RTL1: variants seen among roughly 807,000 people sequenced by gnomAD.
The protein encoded by RTL1 is retrotransposon-like protein 1.
For synonymous variants in RTL1, 727 were observed against 748.4 expected (o/e 0.97, Z 0.47); for missense variants, 1,681 against 1,767.5 (o/e 0.95, Z 0.88).
At position 100,883,756 on chromosome 14, in the gene RTL1, C is replaced by T. The variant is rs1275041775; in HGVS notation, c.1033G>A (p.Asp345Asn). Residue 345 changes from aspartate to asparagine, a missense_variant, in exon 4 of 4, where the codon GAT becomes AAT. Transcript: ENST00000649591. The surrounding 1 kb of genome is among the most constrained non-coding windows in gnomAD (Gnocchi z 5.9). The part of the protein sequence containing the change: ...RHYLFRVPQP[D>N]SLDSLIVLIL... ...AGCACAATCAGACTGTCTAGGGAAT[C>T]CGGCTGAGGGACCCGGAATAGATAG... 2.6e-6 allele frequency: 4 copies of T among 1,551,674 alleles called. No individual in the cohort carries two copies. The highest frequency in any genetic ancestry group is 3.5e-6 in the Non-Finnish European group (4 of 1,146,990).
intron 2 of RTL1, among the ~76,000 whole-genome samples, chr14:100,902,608 TAGCAGCAGC>T (rs34441254): frequency 1.7e-3 from 259 of 151,792 alleles, no homozygotes; most frequent in African/African-American, 5.6e-3. Flanking sequence ...AGCCCTGCAG[TAGCAGCAGC>T]AGCAGCAGCA....
intron 3 of RTL1, among the ~76,000 whole-genome samples, chr14:100,891,914 G>T (rs1277395519): frequency 2.0e-5 from 3 of 152,156 alleles, no homozygotes; most frequent in African/African-American, 7.2e-5. Flanking sequence ...TTCCTAAGAG[G>T]TGCCTGCGGG....
chr14:100,885,624 T>C (rs892750018), intron 3 of RTL1, among the ~76,000 whole-genome samples: 2 of 152,046 alleles, frequency 1.3e-5, no homozygotes, highest in African/African-American at 4.8e-5. Flanking sequence ...GGCCAATTTC[T>C]CTTTCTCGAT....
intron 2 of RTL1, among the ~76,000 whole-genome samples, chr14:100,900,139 T>C (rs2038922220): frequency 6.6e-6 from 1 of 152,258 alleles, no homozygotes; most frequent in Non-Finnish European, 1.5e-5. Flanking sequence ...CACAGGCAGA[T>C]TTTTTGAGGC....
chr14:100,894,309 CAA>C (rs562868034), intron 2 of RTL1, among the ~76,000 whole-genome samples: 151 of 72,482 alleles, frequency 2.1e-3, no homozygotes, highest in African/African-American at 5.4e-3. Flanking sequence ...AACTCCGTCT[CAA>C]AAAAAAAAAA....
chr14:100,890,024 GAC>G (rs983625628), intron 3 of RTL1, among the ~76,000 whole-genome samples: 3 of 140,606 alleles, frequency 2.1e-5, no homozygotes, highest in African/African-American at 7.8e-5. Context: ...CAAATCTCAT[GAC>G]AGTTTCTTTA....
At position 100,883,963 on chromosome 14, in the gene RTL1, C is replaced by T. The variant is rs1054630090; in HGVS notation, c.826G>A (p.Glu276Lys). Reference protein sequence around the residue: ...DFPAFLEAMSEVFEYRQALRV... With the variant: ...DFPAFLEAMSKVFEYRQALRV... The stretch of plus-strand genomic sequence containing the variant: ...AGTGCCTGGCGGTACTCAAACACTT[C>T]GGACATGGCCTCCAGGAAGGCTGGG... The change falls in exon 4 of 4, where the codon GAA becomes AAA. Residue 276 changes from glutamate (E) to lysine (K), a missense_variant. Physicochemically the swap from Glu to Lys is moderately conservative, Grantham distance 56. Coordinates refer to ENST00000649591, the MANE Select transcript of RTL1 (RefSeq NM_001134888.3). This position sits in a 1 kb window ranked among gnomAD's most constrained non-coding sequence, Gnocchi z 5.9. 12 of 1,551,546 alleles carry T rather than the reference C, an allele frequency of 7.7e-6. No individual in the cohort carries two copies. The East Asian group carries it at 1.7e-4, about 22-fold the overall frequency.
chr14:100,883,534 G>C lies in RTL1; in HGVS notation c.1255C>G (p.Pro419Ala). The C allele has an allele frequency of 6.4e-7, 1 of 1,551,516 alleles. No individual in the cohort carries two copies. Among genetic ancestry groups the C allele is most frequent in the East Asian group, 2.4e-5 (1 of 40,906 alleles). The change falls in exon 4 of 4, where the codon CCC (proline) becomes GCC (alanine). Residue 419 changes from proline to alanine, a missense_variant. Transcript: ENST00000649591. The surrounding 1 kb of genome is among the most constrained non-coding windows in gnomAD (Gnocchi z 5.9). ...GCCTGGACCGCGACGCTGTGGTAGGGGTTCACTCTCACCATGAGCAGCAGG... is the reference window on the plus strand; with the variant it reads ...GCCTGGACCGCGACGCTGTGGTAGGCGTTCACTCTCACCATGAGCAGCAGG... ...LFLLLMVRVN[P>A]YHSVAVQALV...
At chr14:100,895,332 C>T (rs959191752) in intron 2 of RTL1, among the ~76,000 whole-genome samples, 2 of 152,036 alleles carry the variant, frequency 1.3e-5, no homozygotes, top group Non-Finnish European at 2.9e-5. Context: ...GCAGGGTTTG[C>T]TTAGGGGAGA....
Position 100,884,448 on chromosome 14 carries a change from A to G in RTL1, c.341T>C (p.Leu114Pro), listed in dbSNP as rs1198296731. 6.2e-6 allele frequency: 10 copies of G among 1,613,900 alleles called. No homozygotes were observed. The highest frequency in any genetic ancestry group is 1.3e-5 in the African/African-American group (1 of 74,896). The change falls in exon 4 of 4, where the codon CTC becomes CCC. Residue 114 changes from leucine (L) to proline (P), a missense_variant. Leu to Pro is a moderately conservative substitution (Grantham distance 98). Coordinates refer to ENST00000649591, the MANE Select transcript of RTL1 (RefSeq NM_001134888.3). Reference sequence around the variant, plus strand: ...TTTCATCCTATCAGATGCTCCACTGAGTGGATCCCCCCTTGCCTGGTGTGA... The same window carrying G: ...TTTCATCCTATCAGATGCTCCACTGGGTGGATCCCCCCTTGCCTGGTGTGA... The part of the protein sequence containing the change: ...NGSHQARGDP[L>P]SGASDRMKEA...
rs139938584 is a variant in RTL1 at position 100,884,384 on chromosome 14, T to C, written c.405A>G (p.Gln135=). 15,093 of 1,584,240 alleles carry C rather than the reference T, an allele frequency of 9.5e-3. 300 individuals carry two copies. The highest frequency in any genetic ancestry group is 0.066 in the Middle Eastern group (399 of 6,030). Residue 135 remains glutamine, a synonymous_variant, in exon 4 of 4, where the codon CAA becomes CAG. Transcript: ENST00000649591. ...ATTCCTTCAGGTCAGTGTGAGCCTC[T>C]TGTTCTTCTCGGGCTCCCGATGGGT... ...SVNPSGAREE[Q]EAHTDLKESG... is the part of the protein sequence containing the mutation.
chr14:100,899,447 G>A (rs759613589), intron 2 of RTL1, among the ~76,000 whole-genome samples: 6 of 152,180 alleles, frequency 3.9e-5, no homozygotes, highest in South Asian at 2.1e-4. Flanking sequence ...CTTTGGGACC[G>A]AGTCATATTC....
chr14:100,883,256 G>C lies in RTL1; in HGVS notation c.1533C>G (p.Val511=), dbSNP rs1204156907. 59 of 1,551,314 alleles carry C rather than the reference G, an allele frequency of 3.8e-5. No individual in the cohort carries two copies. The highest frequency in any genetic ancestry group is 5.1e-5 in the Non-Finnish European group (59 of 1,146,804). ...SVVLGIRWLR[V]HAPEVDWIKG... is the part of the protein sequence containing the mutation. ...TGATCCAGTCGACTTCGGGGGCGTG[G>C]ACTCGGAGCCAGCGGATGCCTAGGA... The change falls in exon 4 of 4, where the codon GTC becomes GTG. Residue 511 remains valine, a synonymous_variant. Transcript: ENST00000649591. This position sits in a 1 kb window ranked among gnomAD's most constrained non-coding sequence, Gnocchi z 5.9.
rs2038883163 is a variant in RTL1 at position 100,897,754 on chromosome 14, GGGGGGGGGTGGGGGGGTGGGGGGC to G, written c.-148-4273_-148-4250del. The stretch of plus-strand genomic sequence containing the variant: ...TCAGGTCCTTTACCCTGGTTGGCGG[GGGGGGGGGTGGGGGGGTGGGGGGC>G]GGGGGGGGGCAGTGAATTGGTGGCG... On this transcript the variant is annotated intron_variant, in intron 2 of 3. Transcript: ENST00000649591. The G allele has an allele frequency of 3.7e-5, 5 of 134,684 alleles. No homozygotes were observed. The South Asian group carries it at 3.9e-4, about 10-fold the overall frequency. 8.3% of individuals were successfully genotyped at this position (134,684 alleles called of 1,614,324 possible).
In RTL1 at chr14:100,881,745, A is replaced by G; in HGVS notation, c.3044T>C (p.Leu1015Pro). Reference protein sequence around the residue: ...FQRNTAARQTLLLASRGFPRD... With the variant: ...FQRNTAARQTPLLASRGFPRD... ...GGGGAATCCCCTTGAGGCCAGCAGC[A>G]GGGTTTGCCTGGCGGCAGTGTTCCT... is the stretch of plus-strand genomic sequence containing the variant. Residue 1015 changes from leucine to proline, a missense_variant, in exon 4 of 4, where the codon CTG (leucine) becomes CCG (proline). Leu to Pro is a moderately conservative substitution (Grantham distance 98, BLOSUM62 -3). Coordinates refer to ENST00000649591, the MANE Select transcript of RTL1 (RefSeq NM_001134888.3). This position sits in a 1 kb window ranked among gnomAD's most constrained non-coding sequence, Gnocchi z 6.6. The G allele has an allele frequency of 6.2e-7, 1 of 1,611,060 alleles. No homozygotes were observed. Among genetic ancestry groups the G allele is most frequent in the Non-Finnish European group, 8.5e-7 (1 of 1,178,410 alleles).
At chr14:100,896,615 G>C (rs2038859439) in intron 2 of RTL1, among the ~76,000 whole-genome samples, 1 of 151,176 alleles carries the variant, frequency 6.6e-6, no homozygotes, top group Non-Finnish European at 1.5e-5. Flanking sequence ...AGGGGCTTCT[G>C]ACGGGAGTCG....
chr14:100,885,964 A>G (rs1455269582), intron 3 of RTL1, among the ~76,000 whole-genome samples: 1 of 152,134 alleles, frequency 6.6e-6, no homozygotes, highest in Non-Finnish European at 1.5e-5. Flanking sequence ...TGGGGGGAAC[A>G]TGTGACATCT....
Position 100,883,392 on chromosome 14 carries a change from A to G in RTL1, c.1397T>C (p.Leu466Pro). The G allele has an allele frequency of 6.4e-7, 1 of 1,550,628 alleles. No homozygotes were observed. Among genetic ancestry groups the G allele is most frequent in the Non-Finnish European group, 8.7e-7 (1 of 1,146,286 alleles). ...GAGCCAGACAGGCTCGTTGCCAATC[A>G]GCGAGCCGTCCACGGATTGGACCGG... is the stretch of plus-strand genomic sequence containing the variant. ...PQPVQSVDGS[L>P]IGNEPVWLYT... The change falls in exon 4 of 4, where the codon CTG (leucine) becomes CCG (proline). Residue 466 changes from leucine (L) to proline (P), a missense_variant. Leu to Pro is a moderately conservative substitution (Grantham distance 98, BLOSUM62 -3). Transcript: ENST00000649591. The surrounding 1 kb of genome is among the most constrained non-coding windows in gnomAD (Gnocchi z 5.9).
chr14:100,901,146 G>T (rs1433696176), intron 2 of RTL1, among the ~76,000 whole-genome samples: 1 of 152,240 alleles, frequency 6.6e-6, no homozygotes, highest in Non-Finnish European at 1.5e-5. Flanking sequence ...TGAGGCTGCA[G>T]TGAGGATGGG....
Sources: allele counts gnomAD v4.1 joint callset (sites outside exome capture counted in the v4.1 genomes callset), GRCh38; gene constraint gnomAD v4.1.1; non-coding constraint Gnocchi (gnomAD v3.1); transcripts MANE v1.5; gene names NCBI Gene and HGNC (gene_info 2026-07-23, HGNC 2026-07-21).